Variants in COL4A2 observed in about 807,000 individuals in gnomAD.
COL4A2 encodes collagen type IV alpha 2 chain, also known as collagen alpha-2(IV) chain.
A neutral mutation model predicts 200.2 loss-of-function variants in COL4A2; 99 were observed. The observed-to-expected ratio is 0.49, with a 90% CI of 0.42 to 0.58. COL4A2 has a LOEUF of 0.58. Among genes scored for constraint, COL4A2 ranks in the 20% least tolerant of loss-of-function variants. The pLI, the probability that COL4A2 is intolerant of heterozygous loss-of-function variation, is 0.00. For missense variants in COL4A2, 1,950 were observed against 2,314.1 expected (o/e 0.84, Z 3.23); for synonymous variants, 897 against 900.6 (o/e 1.00, Z 0.07).
chr13:110,331,137 T>G (rs918141894), intron 3 of COL4A2, among the ~76,000 whole-genome samples: 3 of 152,266 alleles, frequency 2.0e-5, no homozygotes, highest in African/African-American at 7.2e-5. Context: ...CCTCCAAAAA[T>G]CAGCTTGAAC....
At chr13:110,408,717 C>T (rs900706421) in intron 4 of COL4A2, among the ~76,000 whole-genome samples, 8 of 152,240 alleles carry the variant, frequency 5.3e-5, no homozygotes, top group Middle Eastern at 3.4e-3. Context: ...CCTGGTGGAA[C>T]AGCACATTCA....
chr13:110,380,926 AGGCTCTATCTCACACCCATG>A (rs1878454412), intron 4 of COL4A2, among the ~76,000 whole-genome samples: 3 of 108,656 alleles, frequency 2.8e-5, no homozygotes, highest in Non-Finnish European at 3.8e-5. Context: ...TCACAACCAC[AGGCTCTATCTCACACCCATG>A]GGCTCTATCT....
rs796231832 is a variant in COL4A2, at chr13:110,481,468, C to T, written c.2759-1048C>T. On this transcript the variant is annotated intron_variant, in intron 31 of 47. Transcript: ENST00000360467. ...TTGCTGGAGACACACTGCTGTGTCC[C>T]TCCGTTGCTGGAGACACACAGTTCT... Among the ~76,000 whole-genome samples, 19 of 14,640 alleles carry T rather than the reference C, an allele frequency of 1.3e-3. 2 individuals are homozygous for T. Among genetic ancestry groups the T allele is most frequent in the Non-Finnish European group, 1.8e-3 (14 of 7,598 alleles). 9.6% of individuals were successfully genotyped at this position (14,640 alleles called of 152,430 possible). A position where few individuals can be genotyped will look rare whatever the true frequency, so the allele number is the denominator to read the frequency against.
intron 3 of COL4A2, among the ~76,000 whole-genome samples, chr13:110,313,428 C>T (rs867067690): frequency 1.3e-5 from 2 of 152,160 alleles, no homozygotes; most frequent in Non-Finnish European, 2.9e-5. Context: ...TTTCAAAGGA[C>T]GTGCGAGCAG....
chr13:110,426,828 G>A (rs1439016487), intron 6 of COL4A2, among the ~76,000 whole-genome samples: 1 of 152,142 alleles, frequency 6.6e-6, no homozygotes, highest in Non-Finnish European at 1.5e-5. Context: ...CTAAAAATCT[G>A]GAGCAGAACA....
chr13:110,424,651 A>AAAT, intron 4 of COL4A2, 83 bp from the exon 5 acceptor site: 1 of 911,796 alleles, frequency 1.1e-6, no homozygotes, highest in Non-Finnish European at 1.7e-6. Flanking sequence ...AAAAAAAAAA[A>AAAT]TGTAGTTTTG....
chr13:110,487,358 C>T (rs770110032), intron 34 of COL4A2, among the ~76,000 whole-genome samples: 2 of 152,128 alleles, frequency 1.3e-5, no homozygotes, highest in Admixed American at 6.5e-5. Context: ...GAGGCCGAGG[C>T]GGAAGAATCG....
chr13:110,480,437 T>C, intron 31 of COL4A2, 47 bp downstream of exon 31: 1 of 1,554,070 alleles, frequency 6.4e-7, no homozygotes, highest in Non-Finnish European at 8.7e-7. Context: ...GGAGGTTGGG[T>C]CTAATCAACT....
chr13:110,346,942 C>T (rs1025819284), intron 3 of COL4A2, among the ~76,000 whole-genome samples: 15 of 152,364 alleles, frequency 9.8e-5, no homozygotes, highest in South Asian at 2.1e-4. Flanking sequence ...TCATCCCCTG[C>T]GCTTATCGTG....
At chr13:110,435,288 A>G (rs890444053) in intron 12 of COL4A2, among the ~76,000 whole-genome samples, 1 of 152,244 alleles carries the variant, frequency 6.6e-6, no homozygotes, top group African/African-American at 2.4e-5. Flanking sequence ...TTATAGCCCC[A>G]TACAATGAAA....
intron 3 of COL4A2, among the ~76,000 whole-genome samples, chr13:110,315,970 GTT>G (rs3832899): frequency 6.6e-6 from 1 of 151,464 alleles, no homozygotes; most frequent in African/African-American, 2.4e-5. Flanking sequence ...CTTACTGTGG[GTT>G]TTTTTTTCCC....
chr13:110,335,915 T>C (rs1876160211), intron 3 of COL4A2, among the ~76,000 whole-genome samples: 1 of 152,250 alleles, frequency 6.6e-6, no homozygotes, highest in Non-Finnish European at 1.5e-5. Context: ...CACAAGATCC[T>C]GGAAGTCTGC....
At chr13:110,399,802 TG>T (rs1480071678) in intron 4 of COL4A2, among the ~76,000 whole-genome samples, 3 of 152,226 alleles carry the variant, frequency 2.0e-5, no homozygotes, top group Non-Finnish European at 4.4e-5. Flanking sequence ...ATAGGCCACC[TG>T]CTTCTTTTAG....
intron 32 of COL4A2, among the ~76,000 whole-genome samples, chr13:110,484,647 T>C (rs535437877): frequency 6.6e-6 from 1 of 152,308 alleles, no homozygotes; most frequent in Non-Finnish European, 1.5e-5. Flanking sequence ...CCTCTGCATC[T>C]GCTGGCAGGC....
intron 13 of COL4A2, 24 bp downstream of exon 13, chr13:110,436,391 T>A: frequency 6.2e-7 from 1 of 1,603,570 alleles, no homozygotes; most frequent in South Asian, 1.1e-5. Context: ...TTGACTCTTT[T>A]CATAGTTGAA....
At chr13:110,430,494 C>G (rs763674789) in intron 9 of COL4A2, 51 bp from the exon 10 acceptor site, 7 of 1,613,950 alleles carry the variant, frequency 4.3e-6, no homozygotes, top group Non-Finnish European at 5.9e-6. Context: ...TTCAGAACTC[C>G]AAGTACCAGT....
intron 12 of COL4A2, among the ~76,000 whole-genome samples, chr13:110,435,625 GA>G (rs1880842801): frequency 6.6e-6 from 1 of 152,172 alleles, no homozygotes; most frequent in Non-Finnish European, 1.5e-5. Context: ...AATGTGGAAA[GA>G]AAGGAAAAGA....
chr13:110,460,537 T>G (rs921788753), intron 22 of COL4A2, among the ~76,000 whole-genome samples: 3 of 152,156 alleles, frequency 2.0e-5, no homozygotes, highest in African/African-American at 4.8e-5. Context: ...AGAAGCCAAA[T>G]GGACCCCATT....
chr13:110,454,647 C>T (rs778130685), intron 20 of COL4A2, among the ~76,000 whole-genome samples: 2 of 152,096 alleles, frequency 1.3e-5, no homozygotes, highest in Admixed American at 6.5e-5. Context: ...TTCTCCCCTC[C>T]ACTCCCGGGA....
Sources: allele counts gnomAD v4.1 joint callset (sites outside exome capture counted in the v4.1 genomes callset), GRCh38; gene constraint gnomAD v4.1.1; transcripts MANE v1.5; gene names NCBI Gene and HGNC (gene_info 2026-07-23, HGNC 2026-07-21).